BAZ2B: variants seen among roughly 807,000 people sequenced by gnomAD.
BAZ2B encodes bromodomain adjacent to zinc finger domain 2B, also known as bromodomain adjacent to zinc finger domain protein 2B.
Under a neutral mutation model 246.0 loss-of-function variants are expected in BAZ2B, and 91 were observed. That is an observed-to-expected ratio of 0.37 (90% confidence interval 0.31 to 0.44). BAZ2B has a LOEUF of 0.44. Ranked by LOEUF, BAZ2B falls within the 20% of genes least tolerant of loss-of-function variation. The pLI is 1.00. For synonymous variants in BAZ2B, 855 were observed against 860.0 expected (o/e 0.99, Z 0.10); for missense variants, 2,332 against 2,533.7 (o/e 0.92, Z 1.71).
the BAZ2B span, among the ~76,000 whole-genome samples, chr2:159,678,318 T>C: frequency 6.6e-6 from 1 of 152,208 alleles, no homozygotes; most frequent in Non-Finnish European, 1.5e-5. Flanking sequence ...AATAGAGCAG[T>C]ATCAACAACA....
the BAZ2B span, among the ~76,000 whole-genome samples, chr2:159,628,651 C>G: frequency 1.3e-5 from 2 of 152,184 alleles, no homozygotes; most frequent in Admixed American, 6.5e-5. Context: ...CTTCCTTACA[C>G]CTTATACAAA....
chr2:159,556,463 A>AT (rs1182716672), intron 1 of BAZ2B, among the ~76,000 whole-genome samples: 1 of 152,058 alleles, frequency 6.6e-6, no homozygotes, highest in Non-Finnish European at 1.5e-5. Flanking sequence ...AATTTTTGGA[A>AT]TTTTTTGTTG....
At chr2:159,594,211 A>C (rs1690075554) in intron 1 of BAZ2B, among the ~76,000 whole-genome samples, 1 of 152,100 alleles carries the variant, frequency 6.6e-6, no homozygotes, top group Non-Finnish European at 1.5e-5. Flanking sequence ...TCGAGACCAT[A>C]CTGGCTAACA....
chr2:159,465,963 CAACATT>C (rs2076991909), intron 3 of BAZ2B, among the ~76,000 whole-genome samples: 1 of 151,828 alleles, frequency 6.6e-6, no homozygotes, highest in South Asian at 2.1e-4. Context: ...TAGATGCCTA[CAACATT>C]AACACATCAA....
intron 1 of BAZ2B, among the ~76,000 whole-genome samples, chr2:159,574,637 T>A (rs573347593): frequency 3.3e-5 from 5 of 152,244 alleles, no homozygotes; most frequent in Admixed American, 2.6e-4. Context: ...CATCAAATAA[T>A]AAATGGATAA....
intron 2 of BAZ2B, among the ~76,000 whole-genome samples, chr2:159,501,073 C>A (rs1184333670): frequency 7.3e-6 from 1 of 137,460 alleles, no homozygotes; most frequent in Non-Finnish European, 1.5e-5. Flanking sequence ...AGTTCAAGAT[C>A]AGCCTGGGCA....
intron 2 of BAZ2B, among the ~76,000 whole-genome samples, chr2:159,514,635 G>T (rs2083255924): frequency 6.6e-6 from 1 of 152,154 alleles, no homozygotes; most frequent in Admixed American, 6.6e-5. Context: ...AATTGTGTTA[G>T]TGTTTTCAGT....
intron 27 of BAZ2B, among the ~76,000 whole-genome samples, chr2:159,357,968 C>T (rs1243344077): frequency 2.0e-5 from 3 of 152,108 alleles, no homozygotes; most frequent in African/African-American, 7.2e-5. Context: ...GAAGGAAGCA[C>T]TAAACATAGA....
downstream of BAZ2B, among the ~76,000 whole-genome samples, chr2:159,316,883 C>T (rs1360554506): frequency 6.6e-6 from 1 of 151,716 alleles, no homozygotes; most frequent in African/African-American, 2.4e-5. Context: ...TGCTTGTAGT[C>T]CCAACTACTC....
chr2:159,597,537 ATTT>A (rs1239365579), intron 1 of BAZ2B, among the ~76,000 whole-genome samples: 1 of 151,672 alleles, frequency 6.6e-6, no homozygotes, highest in Non-Finnish European at 1.5e-5. Context: ...ACTTTTTAAA[ATTT>A]TTTTTTGGTG....
chr2:159,349,376 AT>A (rs1186395085), intron 28 of BAZ2B, 96 bp from the exon 29 acceptor site: 2 of 1,237,456 alleles, frequency 1.6e-6, no homozygotes, highest in African/African-American at 3.1e-5. Context: ...ATTCCAAAAA[AT>A]ATTCTTTCAT....
In BAZ2B at chr2:159,432,806, TTCTTCATCATCTTCC is replaced by T. The variant is rs774522366; in HGVS notation, c.1836_1850del (p.Asp615_Asp619del). 5.6e-6 allele frequency: 9 copies of T among 1,613,834 alleles called. No individual in the cohort carries two copies. The highest frequency in any genetic ancestry group is 7.6e-6 in the Non-Finnish European group (9 of 1,179,746). ...CATCTTCATCATCTTCCTCATCTTC[TTCTTCATCATCTTCC>T]TCTTCATCCTCATTTGAATCTTCAG... On this transcript the variant is annotated inframe_deletion, in exon 9 of 37. Coordinates refer to ENST00000392783, the MANE Select transcript of BAZ2B (RefSeq NM_013450.4).
chr2:159,486,765 A>G (rs1024920395), intron 2 of BAZ2B, among the ~76,000 whole-genome samples: 1 of 152,044 alleles, frequency 6.6e-6, no homozygotes, highest in South Asian at 2.1e-4. Flanking sequence ...ATGGCAAAAG[A>G]CTTTTAAAAA....
chr2:159,570,429 C>G (rs905986578), intron 1 of BAZ2B, among the ~76,000 whole-genome samples: 4 of 152,202 alleles, frequency 2.6e-5, no homozygotes, highest in Admixed American at 2.6e-4. Context: ...GATCCGCCCG[C>G]CTCGGCCTCC....
chr2:159,652,031 T>C, the BAZ2B span, among the ~76,000 whole-genome samples: 3 of 152,148 alleles, frequency 2.0e-5, no homozygotes, highest in African/African-American at 7.2e-5. Context: ...TGTGTGAAAA[T>C]GTATTTATTC....
chr2:159,573,654 T>G (rs1208768110), intron 1 of BAZ2B, among the ~76,000 whole-genome samples: 1 of 152,114 alleles, frequency 6.6e-6, no homozygotes, highest in South Asian at 2.1e-4. Context: ...AAAGGAAAAA[T>G]AGATAACGTG....
the BAZ2B span, among the ~76,000 whole-genome samples, chr2:159,627,323 G>C: frequency 3.4e-5 from 5 of 148,636 alleles, no homozygotes; most frequent in African/African-American, 1.2e-4. Flanking sequence ...TTTATGAGGC[G>C]AGCATCATCC....
chr2:159,604,230 T>C (rs967408674), intron 1 of BAZ2B, among the ~76,000 whole-genome samples: 1 of 152,172 alleles, frequency 6.6e-6, no homozygotes, highest in Admixed American at 6.5e-5. Flanking sequence ...TTCCAAGTTA[T>C]ATTCTCAAAT....
At chr2:159,395,868 A>G in intron 19 of BAZ2B, 34 bp from the exon 20 acceptor site, 1 of 1,549,644 alleles carries the variant, frequency 6.5e-7, no homozygotes, top group Non-Finnish European at 8.8e-7. Flanking sequence ...AAAATAACTC[A>G]GCCACAATTA....
Sources: gnomAD v4.1 joint callset for allele counts (sites outside exome capture counted in the v4.1 genomes callset) on GRCh38, gnomAD v4.1.1 for gene constraint, MANE v1.5 for transcripts, NCBI Gene and HGNC (gene_info 2026-07-23, HGNC 2026-07-21) for gene names.